Variants in GPR158 observed in about 807,000 individuals in gnomAD.
GPR158 encodes metabotropic glycine receptor.
Under a neutral mutation model 78.2 loss-of-function variants are expected in GPR158, and 30 were observed. That is an observed-to-expected ratio of 0.38 (90% confidence interval 0.29 to 0.52). GPR158 has a LOEUF of 0.52. Ranked by LOEUF, GPR158 falls within the 20% of genes least tolerant of loss-of-function variation. The pLI, the probability that GPR158 is intolerant of heterozygous loss-of-function variation, is 0.83. For synonymous variants in GPR158, 581 were observed against 591.1 expected (o/e 0.98, Z 0.25); for missense variants, 1,463 against 1,523.5 (o/e 0.96, Z 0.66).
chr10:25,423,546 C>T (rs1002299934), intron 4 of GPR158, among the ~76,000 whole-genome samples: 22 of 152,038 alleles, frequency 1.4e-4, no homozygotes, highest in Admixed American at 2.6e-4. Flanking sequence ...ATGCCCCAAC[C>T]TATGACAGGC....
intron 1 of GPR158, among the ~76,000 whole-genome samples, chr10:25,205,889 T>A (rs1414865697): frequency 6.6e-6 from 1 of 152,132 alleles, no homozygotes; most frequent in African/African-American, 2.4e-5. Context: ...CTTGTGCATA[T>A]GAGAAGAATA....
intron 6 of GPR158, among the ~76,000 whole-genome samples, chr10:25,559,006 A>G (rs1164622961): frequency 6.6e-6 from 1 of 152,156 alleles, no homozygotes; most frequent in African/African-American, 2.4e-5. Flanking sequence ...AATCTTCGAT[A>G]TCCCTACTCA....
intron 2 of GPR158, among the ~76,000 whole-genome samples, chr10:25,395,580 A>G (rs1834353955): frequency 6.6e-6 from 1 of 152,154 alleles, no homozygotes; most frequent in Non-Finnish European, 1.5e-5. Context: ...ATACTCTTAT[A>G]GGCTTTGGAA....
At chr10:25,546,861 C>T (rs994436311) in intron 5 of GPR158, among the ~76,000 whole-genome samples, 1 of 152,004 alleles carries the variant, frequency 6.6e-6, no homozygotes, top group African/African-American at 2.4e-5. Context: ...ACAAGTGAGC[C>T]GGGGGTTGTG....
intron 5 of GPR158, among the ~76,000 whole-genome samples, chr10:25,522,906 T>C (rs10047266): frequency 6.6e-6 from 1 of 151,974 alleles, no homozygotes; most frequent in Non-Finnish European, 1.5e-5. Context: ...TGTGCAGATG[T>C]CAAGGTTATA....
chr10:25,477,308 A>G (rs1359115098), intron 5 of GPR158, among the ~76,000 whole-genome samples: 2 of 152,126 alleles, frequency 1.3e-5, no homozygotes, highest in Non-Finnish European at 2.9e-5. Flanking sequence ...ATCCATTACT[A>G]TTATTGTTTA....
chr10:25,432,955 A>G (rs915600266), intron 4 of GPR158, among the ~76,000 whole-genome samples: 1 of 152,230 alleles, frequency 6.6e-6, no homozygotes, highest in East Asian at 1.9e-4. Flanking sequence ...TGTGATCACA[A>G]TGAAACAGTA....
chr10:25,281,666 G>A (rs1157860842), intron 2 of GPR158, among the ~76,000 whole-genome samples: 2 of 151,324 alleles, frequency 1.3e-5, no homozygotes, highest in African/African-American at 4.9e-5. Flanking sequence ...AATCACTTAA[G>A]GAGGAAAAAA....
chr10:25,318,729 A>AT (rs1201899667), intron 2 of GPR158, among the ~76,000 whole-genome samples: 2 of 152,274 alleles, frequency 1.3e-5, no homozygotes, highest in East Asian at 3.9e-4. Flanking sequence ...GATCACCATT[A>AT]TTTTAGCTAT....
At chr10:25,445,130 C>T (rs12764415) in intron 4 of GPR158, among the ~76,000 whole-genome samples, 24,594 of 151,892 alleles carry the variant, frequency 0.16, 2,189 homozygotes, top group African/African-American at 0.25. Flanking sequence ...TTCAAGTAAC[C>T]AGTAAAAATG....
chr10:25,390,225 G>A (rs141531145), intron 2 of GPR158, among the ~76,000 whole-genome samples: 67 of 152,284 alleles, frequency 4.4e-4, no homozygotes, highest in Admixed American at 1.2e-3. Context: ...GGTAGAGGGG[G>A]GTACTGCTAT....
At chr10:25,454,756 C>A (rs1029252674) in intron 4 of GPR158, among the ~76,000 whole-genome samples, 2 of 152,162 alleles carry the variant, frequency 1.3e-5, no homozygotes, top group African/African-American at 2.4e-5. Flanking sequence ...CTACTTCTCC[C>A]ATTTTCCTTC....
At position 25,545,852 on chromosome 10, in the gene GPR158, G is replaced by A. The variant is rs138692652; in HGVS notation, c.1405-5124G>A. Among the ~76,000 whole-genome samples, 253 of 152,148 alleles carry A rather than the reference G, an allele frequency of 1.7e-3. 1 individual carries two copies. The highest frequency in any genetic ancestry group is 5.9e-3 in the African/African-American group (246 of 41,508). The stretch of plus-strand genomic sequence containing the variant: ...TCCTATTGCCAGGTACTATCTTAGG[G>A]AATGGACGTGCAATCAAGAATTAGT... On this transcript the variant is annotated intron_variant, in intron 5 of 10. Coordinates refer to ENST00000376351, the MANE Select transcript of GPR158 (RefSeq NM_020752.3).
chr10:25,492,140 C>T (rs1024707919), intron 5 of GPR158, among the ~76,000 whole-genome samples: 4 of 151,836 alleles, frequency 2.6e-5, no homozygotes, highest in African/African-American at 9.7e-5. Context: ...AAAGAGAGAG[C>T]AAGAAGATGC....
At chr10:25,484,745 A>G (rs910170077) in intron 5 of GPR158, among the ~76,000 whole-genome samples, 2 of 152,166 alleles carry the variant, frequency 1.3e-5, no homozygotes, top group African/African-American at 4.8e-5. Context: ...AAAACATGGC[A>G]GGGGCTCTTT....
At chr10:25,463,716 C>T (rs1835387080) in intron 4 of GPR158, among the ~76,000 whole-genome samples, 1 of 152,034 alleles carries the variant, frequency 6.6e-6, no homozygotes, top group African/African-American at 2.4e-5. Context: ...AACCACCGCC[C>T]CCACCCCCAT....
chr10:25,566,497 T>C (rs1470331968), intron 6 of GPR158, among the ~76,000 whole-genome samples: 3 of 152,164 alleles, frequency 2.0e-5, no homozygotes, highest in African/African-American at 7.2e-5. Context: ...CCTTCTTTCC[T>C]TCCTTCCTTT....
At chr10:25,517,118 A>C (rs1836187887) in intron 5 of GPR158, among the ~76,000 whole-genome samples, 1 of 147,618 alleles carries the variant, frequency 6.8e-6, no homozygotes, top group Non-Finnish European at 1.5e-5. Flanking sequence ...TAGGTATTTT[A>C]TTCTCTTTGA....
chr10:25,356,052 C>T (rs1405028401), intron 2 of GPR158, among the ~76,000 whole-genome samples: 1 of 152,070 alleles, frequency 6.6e-6, no homozygotes, highest in African/African-American at 2.4e-5. Flanking sequence ...GACAGGTCTC[C>T]TGCTAAGGAA....
Sources: gnomAD v4.1 joint callset for allele counts (sites outside exome capture counted in the v4.1 genomes callset) on GRCh38, gnomAD v4.1.1 for gene constraint, MANE v1.5 for transcripts, NCBI Gene and HGNC (gene_info 2026-07-23, HGNC 2026-07-21) for gene names.